CLTCL1: variants seen among roughly 807,000 people sequenced by gnomAD.
CLTCL1 encodes clathrin heavy chain 2.
CLTCL1 carries 159 observed loss-of-function variants against 190.0 expected under a neutral mutation model. The ratio of observed to expected loss-of-function variants is 0.84; its 90% CI spans 0.74 to 0.95. The LOEUF (loss-of-function observed/expected upper bound fraction) is 0.95, where lower values mean the gene tolerates loss of function less well. Among genes scored for constraint, CLTCL1 ranks in the 40% least tolerant of loss-of-function variants. The pLI is 0.00. For missense variants in CLTCL1, 1,878 were observed against 2,033.4 expected (o/e 0.92, Z 1.47); for synonymous variants, 752 against 769.6 (o/e 0.98, Z 0.38).
intron 2 of CLTCL1, among the ~76,000 whole-genome samples, chr22:19,261,987 C>T (rs556667384): frequency 5.9e-5 from 9 of 152,060 alleles, no homozygotes; most frequent in Admixed American, 1.3e-4. Context: ...TCAATCCCTG[C>T]GGAAACCTCA....
chr22:19,216,191 A>C lies in CLTCL1; in HGVS notation c.2985T>G (p.Phe995Leu). The C allele has an allele frequency of 6.2e-7, 1 of 1,613,948 alleles. No homozygotes were observed. ...PEEISVTVKA[F>L]MTADLPNELI... The stretch of plus-strand genomic sequence containing the variant: ...GTTCATTAGGCAGGTCGGCTGTCAT[A>C]AAGGCTTTGACAGTGACCGAAATCT... The change falls in exon 19 of 33, where the codon TTT (phenylalanine) becomes TTG (leucine). Residue 995 changes from phenylalanine (F) to leucine (L), a missense_variant. Coordinates refer to ENST00000427926, the MANE Select transcript of CLTCL1 (RefSeq NM_007098.4).
At position 19,285,298 on chromosome 22, in the gene CLTCL1, A is replaced by G. The variant is rs2087868391; in HGVS notation, c.42+6302T>C. 2.0e-5 allele frequency among the ~76,000 whole-genome samples: 3 copies of G among 152,068 alleles called. No homozygotes were observed. In the South Asian group the frequency reaches 6.2e-4, roughly 32 times the overall value. On this transcript the variant is annotated intron_variant, in intron 1 of 32. Coordinates refer to ENST00000427926, the MANE Select transcript of CLTCL1 (RefSeq NM_007098.4). Reference sequence around the variant, plus strand: ...TTAAAAAAAAGAAAAAGAAAAAGAAAAAGAAACTTACCAAAGAGCCTTTCC... The same window carrying G: ...TTAAAAAAAAGAAAAAGAAAAAGAAGAAGAAACTTACCAAAGAGCCTTTCC...
At chr22:19,270,726 C>CAAAAAAAA (rs35877753) in intron 2 of CLTCL1, among the ~76,000 whole-genome samples, 5 of 78,736 alleles carry the variant, frequency 6.4e-5, no homozygotes, top group East Asian at 3.5e-4. Flanking sequence ...GACTCCAACT[C>CAAAAAAAA]AAAAAAAAAA....
At chr22:19,231,149 A>C (rs1286576774) in intron 10 of CLTCL1, among the ~76,000 whole-genome samples, 2 of 152,152 alleles carry the variant, frequency 1.3e-5, no homozygotes, top group African/African-American at 2.4e-5. Flanking sequence ...ACCAGAATCC[A>C]AGGTCTCCTC....
chr22:19,192,597 G>A (rs1279032978), intron 26 of CLTCL1, among the ~76,000 whole-genome samples: 1 of 152,222 alleles, frequency 6.6e-6, no homozygotes, highest in Non-Finnish European at 1.5e-5. Context: ...GGGTTTGGGT[G>A]ACCTGGCAAA....
At chr22:19,282,356 G>A (rs1183615469) in intron 1 of CLTCL1, among the ~76,000 whole-genome samples, 3 of 148,706 alleles carry the variant, frequency 2.0e-5, no homozygotes, top group African/African-American at 7.5e-5. Flanking sequence ...TAGGCAATGG[G>A]TTCGGGCGCA....
At chr22:19,265,720 T>C (rs953248803) in intron 2 of CLTCL1, among the ~76,000 whole-genome samples, 1 of 152,114 alleles carries the variant, frequency 6.6e-6, no homozygotes. Flanking sequence ...ATACACAAAA[T>C]AGTAAAAAGA....
intron 14 of CLTCL1, 49 bp downstream of exon 14, chr22:19,223,842 C>T: frequency 6.2e-7 from 1 of 1,608,086 alleles, no homozygotes; most frequent in Non-Finnish European, 8.5e-7. Flanking sequence ...TCTGCCCCAC[C>T]TGCCATCAGC....
At chr22:19,202,408 T>A in intron 22 of CLTCL1, among the ~76,000 whole-genome samples, 1 of 150,950 alleles carries the variant, frequency 6.6e-6, no homozygotes, top group Non-Finnish European at 1.5e-5. Context: ...CCTTCCGCCA[T>A]CCACGGCACC....
Position 19,183,139 on chromosome 22 carries a change from C to T in CLTCL1, c.4827+251G>A, listed in dbSNP as rs2084196540. 8.2e-6 allele frequency: 4 copies of T among 485,862 alleles called. No homozygotes were observed. The Admixed American group carries it at 1.3e-4, about 16-fold the overall frequency. The allele number at this position is 485,862 out of a possible 1,614,324, so 30.1% of individuals were successfully genotyped here. ...GCAGTGTGCACATTGGGACAGCTGC[C>T]CAGCCAGAGTCTACAGGAGGGCTGC... On this transcript the variant is annotated intron_variant, in intron 30 of 32. Transcript: ENST00000427926.
intron 2 of CLTCL1, among the ~76,000 whole-genome samples, chr22:19,262,954 C>G (rs991612191): frequency 6.6e-6 from 1 of 151,292 alleles, no homozygotes; most frequent in African/African-American, 2.4e-5. Flanking sequence ...TCCCTTAACC[C>G]TGGTAAACAG....
At chr22:19,264,212 T>C (rs1281238138) in intron 2 of CLTCL1, among the ~76,000 whole-genome samples, 11 of 150,312 alleles carry the variant, frequency 7.3e-5, no homozygotes, top group Non-Finnish European at 1.5e-4. Context: ...GGTAGGAGGA[T>C]AGCTTGAGTC....
chr22:19,266,822 C>G (rs1421583024), intron 2 of CLTCL1, among the ~76,000 whole-genome samples: 2 of 152,116 alleles, frequency 1.3e-5, no homozygotes, highest in African/African-American at 4.8e-5. Flanking sequence ...TCAGTAGACA[C>G]AGAAAATAGA....
At chr22:19,260,566 A>G (rs1033601876) in intron 2 of CLTCL1, among the ~76,000 whole-genome samples, 2 of 148,468 alleles carry the variant, frequency 1.3e-5, no homozygotes, top group African/African-American at 5.3e-5. Flanking sequence ...ACTTGAGGTC[A>G]GGAGTTCGAG....
At chr22:19,216,786 A>C (rs1555949705) in intron 18 of CLTCL1, among the ~76,000 whole-genome samples, 1 of 152,252 alleles carries the variant, frequency 6.6e-6, no homozygotes, top group Non-Finnish European at 1.5e-5. Context: ...TCACATACAA[A>C]AACACTTACA....
chr22:19,217,157 T>G (rs1555949926), intron 18 of CLTCL1, among the ~76,000 whole-genome samples: 1 of 152,176 alleles, frequency 6.6e-6, no homozygotes, highest in Non-Finnish European at 1.5e-5. Context: ...TCTGTGGAAT[T>G]TGTAGTAACT....
chr22:19,275,051 G>T (rs1277680938), intron 2 of CLTCL1, among the ~76,000 whole-genome samples: 1 of 152,128 alleles, frequency 6.6e-6, no homozygotes, highest in Non-Finnish European at 1.5e-5. Flanking sequence ...TTCAAAGTAA[G>T]TGATACTGCA....
intron 2 of CLTCL1, chr22:19,258,348 A>G: frequency 2.4e-6 from 1 of 420,780 alleles, no homozygotes; most frequent in Non-Finnish European, 4.5e-6. Context: ...GATTGAGGAG[A>G]GCACCACAGT....
In CLTCL1 at chr22:19,207,597, G is replaced by A. The variant is rs532316411; in HGVS notation, c.3600+557C>T. On this transcript the variant is annotated intron_variant, in intron 22 of 32. Transcript: ENST00000427926. The stretch of plus-strand genomic sequence containing the variant: ...GTCCCCAACCCCCATGCCACGGACC[G>A]CTGCTGGTCTGTGGCCTGTTAGGAA... 97 of 404,682 alleles carry A rather than the reference G, an allele frequency of 2.4e-4. 1 individual carries two copies. Among genetic ancestry groups the A allele is most frequent in the Admixed American group, 2.1e-4 (5 of 23,826 alleles). The allele number at this position is 404,682 out of a possible 1,614,324, so 25.1% of individuals were successfully genotyped here.
Sources: allele counts gnomAD v4.1 joint callset (sites outside exome capture counted in the v4.1 genomes callset), GRCh38; gene constraint gnomAD v4.1.1; transcripts MANE v1.5; gene names NCBI Gene and HGNC (gene_info 2026-07-23, HGNC 2026-07-21).